NPSR1: variants seen among roughly 807,000 people sequenced by gnomAD.
NPSR1 encodes neuropeptide S receptor 1.
In NPSR1, 48 loss-of-function variants were observed where a neutral mutation model predicts 46.9. That is an observed-to-expected ratio of 1.02 (90% CI 0.81 to 1.30). The LOEUF is 1.30. NPSR1 is among the 50% of genes most tolerant of loss of function. The pLI is 0.00. For synonymous variants in NPSR1, 176 were observed against 168.1 expected (o/e 1.05, Z -0.36); for missense variants, 450 against 449.5 (o/e 1.00, Z -0.01).
chr7:34,754,633 T>C (rs1785725468), intron 2 of NPSR1, among the ~76,000 whole-genome samples: 1 of 152,184 alleles, frequency 6.6e-6, no homozygotes, highest in Non-Finnish European at 1.5e-5. Flanking sequence ...ACAGCTTTAT[T>C]AAAATATTCA....
At chr7:34,701,487 G>A (rs1195928916) in intron 2 of NPSR1, among the ~76,000 whole-genome samples, 2 of 152,160 alleles carry the variant, frequency 1.3e-5, no homozygotes, top group Non-Finnish European at 2.9e-5. Flanking sequence ...AACACAGTAT[G>A]TAAGCTCTCA....
chr7:34,740,024 T>C (rs1784867007), intron 2 of NPSR1, among the ~76,000 whole-genome samples: 1 of 152,014 alleles, frequency 6.6e-6, no homozygotes, highest in South Asian at 2.1e-4. Flanking sequence ...GAACCATTAG[T>C]TGGGGACAGG....
intron 3 of NPSR1, among the ~76,000 whole-genome samples, chr7:34,789,934 T>TC (rs1787652929): frequency 6.6e-6 from 1 of 151,938 alleles, no homozygotes; most frequent in Admixed American, 6.6e-5. Context: ...ACTGCAAAAT[T>TC]CTACCAAACA....
intron 2 of NPSR1, chr7:34,751,340 T>G: frequency 1.0e-6 from 1 of 991,270 alleles, no homozygotes; most frequent in South Asian, 1.3e-5. Context: ...TTGCCAAGGG[T>G]AGGTGAAGCA....
At chr7:34,737,170 A>G (rs1335387211) in intron 2 of NPSR1, among the ~76,000 whole-genome samples, 3 of 152,130 alleles carry the variant, frequency 2.0e-5, no homozygotes, top group Non-Finnish European at 2.9e-5. Flanking sequence ...TCTCACCTGA[A>G]AAGTATGAGT....
chr7:34,805,672 T>C lies in NPSR1; in HGVS notation c.385-6098T>C, dbSNP rs200205776. On this transcript the variant is annotated intron_variant, in intron 3 of 8. Coordinates refer to ENST00000360581, the MANE Select transcript of NPSR1 (RefSeq NM_207172.2). ...GATACAACACCAGAAGCATAATCCA[T>C]GAAAAATGATTGAAATGTTGGACAT... 3.8e-4 allele frequency among the ~76,000 whole-genome samples: 58 copies of C among 151,966 alleles called. 1 individual carries two copies. In the East Asian group the frequency reaches 0.011, roughly 29 times the overall value.
At chr7:34,720,730 G>A (rs1231292024) in intron 2 of NPSR1, among the ~76,000 whole-genome samples, 1 of 152,120 alleles carries the variant, frequency 6.6e-6, no homozygotes, top group Non-Finnish European at 1.5e-5. Context: ...CTTGGAGTTG[G>A]CCTGGAGCTT....
At chr7:34,829,761 G>A (rs955214738) in intron 5 of NPSR1, among the ~76,000 whole-genome samples, 3 of 152,096 alleles carry the variant, frequency 2.0e-5, no homozygotes, top group African/African-American at 7.2e-5. Context: ...TGTCTTTTTC[G>A]TGTCCTTGAA....
chr7:34,809,460 A>AT (rs1157591101), intron 3 of NPSR1, among the ~76,000 whole-genome samples: 17,134 of 110,698 alleles, frequency 0.15, 2,395 homozygotes, highest in African/African-American at 0.34. Context: ...TCACCCAGGT[A>AT]TTTTTTTTTT....
intron 2 of NPSR1, among the ~76,000 whole-genome samples, chr7:34,689,604 C>CAAAAAAAAAAAAAAAAAAAA (rs869170591): frequency 5.7e-4 from 21 of 36,690 alleles, no homozygotes; most frequent in South Asian, 2.2e-3. Flanking sequence ...GACTCTGTCT[C>CAAAAAAAAAAAAAAAAAAAA]AAAAAAAAAA....
At chr7:34,739,206 A>T (rs966705623) in intron 2 of NPSR1, among the ~76,000 whole-genome samples, 2 of 152,234 alleles carry the variant, frequency 1.3e-5, no homozygotes, top group Non-Finnish European at 2.9e-5. Flanking sequence ...TAACAATCAG[A>T]CATAAATATT....
intron 4 of NPSR1, among the ~76,000 whole-genome samples, chr7:34,815,767 T>C (rs866191627): frequency 6.6e-6 from 1 of 150,792 alleles, no homozygotes; most frequent in Non-Finnish European, 1.5e-5. Flanking sequence ...ATATTCAACA[T>C]TCTTAAAGAG....
intron 1 of NPSR1, among the ~76,000 whole-genome samples, chr7:34,669,786 A>G (rs1273008697): frequency 1.3e-5 from 2 of 152,186 alleles, no homozygotes; most frequent in Non-Finnish European, 2.9e-5. Context: ...AAGTAAAGTG[A>G]CCTTCCCAAG....
At chr7:34,741,548 G>A (rs1168636003) in intron 2 of NPSR1, among the ~76,000 whole-genome samples, 3 of 152,074 alleles carry the variant, frequency 2.0e-5, no homozygotes, top group Non-Finnish European at 4.4e-5. Flanking sequence ...AGCAAATGTG[G>A]TTCAGGAAGC....
At chr7:34,682,381 C>T (rs1227894650) in intron 1 of NPSR1, among the ~76,000 whole-genome samples, 1 of 152,172 alleles carries the variant, frequency 6.6e-6, no homozygotes, top group Non-Finnish European at 1.5e-5. Flanking sequence ...AGGGCACCAT[C>T]GTCCTCCCTG....
At chr7:34,792,701 GTA>G (rs201324666) in intron 3 of NPSR1, among the ~76,000 whole-genome samples, 3 of 72,214 alleles carry the variant, frequency 4.2e-5, no homozygotes, top group Admixed American at 1.4e-4. Flanking sequence ...ATATATATAC[GTA>G]TATATATATA....
At chr7:34,742,434 C>T (rs1021757496) in intron 2 of NPSR1, among the ~76,000 whole-genome samples, 1 of 152,178 alleles carries the variant, frequency 6.6e-6, no homozygotes, top group Non-Finnish European at 1.5e-5. Context: ...GTTTTCTGTT[C>T]CTGCATTAGT....
rs190871673 is a variant in NPSR1 at position 34,737,332 on chromosome 7, G to C, written c.281-41130G>C. Among the ~76,000 whole-genome samples the C allele has an allele frequency of 1.4e-3, 208 of 151,906 alleles. 1 individual carries two copies. The highest frequency in any genetic ancestry group is 0.01 in the South Asian group (49 of 4,790). On this transcript the variant is annotated intron_variant, in intron 2 of 8. Coordinates refer to ENST00000360581, the MANE Select transcript of NPSR1 (RefSeq NM_207172.2). ...TATTAAAATCCACATTTTTCATGCT[G>C]TTCTTTCTCAAACACTGAAAACACA...
chr7:34,815,608 A>G (rs1422943840), intron 4 of NPSR1, among the ~76,000 whole-genome samples: 1 of 151,906 alleles, frequency 6.6e-6, no homozygotes, highest in Non-Finnish European at 1.5e-5. Flanking sequence ...ACCCCAAGAC[A>G]TGTAGTCAGA....
Sources: allele counts gnomAD v4.1 joint callset (sites outside exome capture counted in the v4.1 genomes callset), GRCh38; gene constraint gnomAD v4.1.1; transcripts MANE v1.5; gene names NCBI Gene and HGNC (gene_info 2026-07-23, HGNC 2026-07-21).